PATZ1: variants seen among roughly 807,000 people sequenced by gnomAD.
The protein encoded by PATZ1 is POZ-, AT hook-, and zinc finger-containing protein 1.
In PATZ1, 9 loss-of-function variants were observed where a neutral mutation model predicts 46.2. That is an observed-to-expected ratio of 0.19 (90% CI 0.12 to 0.34). The LOEUF is 0.34. PATZ1 is among the 10% of genes least tolerant of loss of function. The pLI, the probability that PATZ1 is intolerant of heterozygous loss-of-function variation, is 1.00. For synonymous variants in PATZ1, 426 were observed against 378.6 expected (o/e 1.13, Z -1.45); for missense variants, 632 against 923.0 (o/e 0.68, Z 4.08).
At chr22:31,343,146 C>T in intron 1 of PATZ1, 186 bp from the exon 2 acceptor site, 2 of 1,335,722 alleles carry the variant, frequency 1.5e-6, no homozygotes, top group South Asian at 1.8e-5. Flanking sequence ...GGCCTCTCTG[C>T]CCTGGTTTTC....
Position 31,327,374 on chromosome 22 carries a change from G to T in PATZ1, c.1646-65C>A. Reference sequence around the variant, plus strand: ...CTCTGGAGATGCCCCCTCCTGGAGGGGTCATGAGGGGCCAGCTCACAGACC... The same window carrying T: ...CTCTGGAGATGCCCCCTCCTGGAGGTGTCATGAGGGGCCAGCTCACAGACC... On this transcript the variant is annotated intron_variant, in intron 4 of 4. Transcript: ENST00000266269. The surrounding 1 kb of genome is among the most constrained non-coding windows in gnomAD (Gnocchi z 4.2). 2.2e-6 allele frequency: 3 copies of T among 1,353,040 alleles called. No homozygotes were observed. Among genetic ancestry groups the T allele is most frequent in the South Asian group, 1.3e-5 (1 of 77,176 alleles). 83.8% of individuals were successfully genotyped at this position (1,353,040 alleles called of 1,614,324 possible). A position where few individuals can be genotyped will look rare whatever the true frequency, so the allele number is the denominator to read the frequency against.
intron 1 of PATZ1, among the ~76,000 whole-genome samples, chr22:31,343,965 C>A (rs1331146046): frequency 6.6e-6 from 1 of 151,884 alleles, no homozygotes; most frequent in Non-Finnish European, 1.5e-5. Flanking sequence ...GCCATTCAAG[C>A]GGGGAAGTCG....
At position 31,345,330 on chromosome 22, in the gene PATZ1, C is replaced by T; in HGVS notation, c.273G>A (p.Thr91=). 1 of 1,609,548 alleles carries T rather than the reference C, an allele frequency of 6.2e-7. No homozygotes were observed. The highest frequency in any genetic ancestry group is 8.5e-7 in the Non-Finnish European group (1 of 1,177,430). ...CCCCGGCCCCGCCGCCTGGTGCTGCCGTCGCGCCCCCTACATCAGCCGGAC... is the reference window on the plus strand; with the variant it reads ...CCCCGGCCCCGCCGCCTGGTGCTGCTGTCGCGCCCCCTACATCAGCCGGAC... ...DGGPADVGGA[T]AAPGGGAGGS... is the part of the protein sequence containing the mutation. The change falls in exon 1 of 5, where the codon ACG becomes ACA. Residue 91 remains threonine, a synonymous_variant. Coordinates refer to ENST00000266269, the MANE Select transcript of PATZ1 (RefSeq NM_014323.3). This position sits in a 1 kb window ranked among gnomAD's most constrained non-coding sequence, Gnocchi z 7.4.
At chr22:31,343,522 G>T in intron 1 of PATZ1, 1 of 798,422 alleles carries the variant, frequency 1.3e-6, no homozygotes, top group Non-Finnish European at 1.5e-6. Context: ...ACTGGTTCCT[G>T]GTCGGGGCCC....
At chr22:31,332,842 C>A (rs2049459524) in intron 3 of PATZ1, among the ~76,000 whole-genome samples, 1 of 152,236 alleles carries the variant, frequency 6.6e-6, no homozygotes. Flanking sequence ...ATCTGTTCCT[C>A]TTCACCATAC....
rs531494111 is a variant in PATZ1, at chr22:31,345,147, G to A, written c.456C>T (p.Cys152=). The change falls in exon 1 of 5, where the codon TGC becomes TGT. Residue 152 remains cysteine (C), a synonymous_variant. Transcript: ENST00000266269. This position sits in a 1 kb window ranked among gnomAD's most constrained non-coding sequence, Gnocchi z 7.4. The part of the protein sequence containing the change: ...FLLMRSVIEI[C]QEVIKQSNVQ... Reference sequence around the variant, plus strand: ...CGTTGGACTGTTTGATGACTTCCTGGCAGATCTCGATAACCGACCTCATCA... The same window carrying A: ...CGTTGGACTGTTTGATGACTTCCTGACAGATCTCGATAACCGACCTCATCA... The A allele has an allele frequency of 1.2e-6, 2 of 1,614,162 alleles. No homozygotes were observed. The highest frequency in any genetic ancestry group is 1.7e-5 in the Admixed American group (1 of 60,022).
rs1028526624 is a variant in PATZ1 at position 31,327,182 on chromosome 22, T to G, written c.1773A>C (p.Ala591=). The stretch of plus-strand genomic sequence containing the variant: ...CAGACTCCATTTTGTTTTTGGGGAC[T>G]GCCATGTCGCAGGAGAAAGAGCCAT... The part of the protein sequence containing the change: ...SANGSFSCDM[A]VPKNKMESDG... Residue 591 remains alanine (A), a synonymous_variant, in exon 5 of 5, where the codon GCA becomes GCC. Transcript: ENST00000266269. This position sits in a 1 kb window ranked among gnomAD's most constrained non-coding sequence, Gnocchi z 4.2. 7 of 1,614,230 alleles carry G rather than the reference T, an allele frequency of 4.3e-6. No individual in the cohort carries two copies. The East Asian group carries it at 6.7e-5, about 15-fold the overall frequency.
rs146218451 is a variant in PATZ1, at chr22:31,342,481, G to T, written c.1335+416C>A. 4.0e-3 allele frequency among the ~76,000 whole-genome samples: 611 copies of T among 152,136 alleles called. 4 individuals carry two copies. Among genetic ancestry groups the T allele is most frequent in the South Asian group, 0.014 (66 of 4,812 alleles). Reference sequence around the variant, plus strand: ...GGTCAGAAAAGGGGAAGAGTGGTTGGCTGGACCACCAGGAGCCCTTTTAAA... The same window carrying T: ...GGTCAGAAAAGGGGAAGAGTGGTTGTCTGGACCACCAGGAGCCCTTTTAAA... On this transcript the variant is annotated intron_variant, in intron 2 of 4. Transcript: ENST00000266269.
Position 31,326,661 on chromosome 22 carries a change from T to C in PATZ1, c.*230A>G, listed in dbSNP as rs2049372952. 1 of 514,856 alleles carries C rather than the reference T, an allele frequency of 1.9e-6. No individual in the cohort carries two copies. The highest frequency in any genetic ancestry group is 3.5e-5 in the Admixed American group (1 of 28,390). The allele number at this position is 514,856 out of a possible 1,614,324, so 31.9% of individuals were successfully genotyped here. A position where few individuals can be genotyped will look rare whatever the true frequency, so the allele number is the denominator to read the frequency against. ...AGGCCTATGTAGTGTTTTCTGCCCC[T>C]GTCCCATACCAAGTCTCATTGATAT... On this transcript the variant is annotated 3_prime_UTR_variant, in exon 5 of 5. Coordinates refer to ENST00000266269, the MANE Select transcript of PATZ1 (RefSeq NM_014323.3).
In PATZ1 at chr22:31,326,949, G is replaced by A. The variant is rs763469287; in HGVS notation, c.2006C>T (p.Ala669Val). ...AACCTCAGGATCTACTAAAGATGAC[G>A]CAAATGCCGACTGAACAATCTGAAA... Reference protein sequence around the residue: ...FGFQIVQSAFASSLVDPEVDQ... With the variant: ...FGFQIVQSAFVSSLVDPEVDQ... The change falls in exon 5 of 5, where the codon GCG becomes GTG. Residue 669 changes from alanine to valine, a missense_variant. Physicochemically the swap from Ala to Val is moderately conservative, Grantham distance 64. Transcript: ENST00000266269. 1.7e-5 allele frequency: 27 copies of A among 1,614,130 alleles called. No homozygotes were observed. Among genetic ancestry groups the A allele is most frequent in the South Asian group, 5.5e-5 (5 of 91,082 alleles).
chr22:31,341,222 G>C, intron 2 of PATZ1: 1 of 1,339,926 alleles, frequency 7.5e-7, no homozygotes, highest in Non-Finnish European at 9.5e-7. Flanking sequence ...GGGGGTTCCA[G>C]AAAGGTGCTC....
intron 2 of PATZ1, among the ~76,000 whole-genome samples, chr22:31,339,541 CAGG>C (rs912025230): frequency 6.6e-6 from 1 of 152,198 alleles, no homozygotes; most frequent in African/African-American, 2.4e-5. Flanking sequence ...GCTGGGGTGT[CAGG>C]AGAAGAGCAT....
At position 31,326,279 on chromosome 22, in the gene PATZ1, T is replaced by C. The variant is rs1256705249; in HGVS notation, c.*612A>G. ...GGGGTGTCCTCAACAGCTGAGCTTG[T>C]CCTAGCAGTGAAAATGCTCGCCTCC... On this transcript the variant is annotated 3_prime_UTR_variant, in exon 5 of 5. Coordinates refer to ENST00000266269, the MANE Select transcript of PATZ1 (RefSeq NM_014323.3). 7 of 229,124 alleles carry C rather than the reference T, an allele frequency of 3.1e-5. No individual in the cohort carries two copies. Among genetic ancestry groups the C allele is most frequent in the African/African-American group, 1.3e-4 (6 of 45,098 alleles). The allele number at this position is 229,124 out of a possible 1,614,324, so 14.2% of individuals were successfully genotyped here.
intron 2 of PATZ1, chr22:31,340,544 G>C (rs1173007373): frequency 3.2e-6 from 1 of 309,470 alleles, no homozygotes; most frequent in Non-Finnish European, 4.9e-6. Context: ...GTGGCTGTAG[G>C]GCTGGAGGAG....
At chr22:31,344,001 C>T (rs1263160170) in intron 1 of PATZ1, among the ~76,000 whole-genome samples, 1 of 152,210 alleles carries the variant, frequency 6.6e-6, no homozygotes, top group Non-Finnish European at 1.5e-5. Flanking sequence ...CTCCCGCCCC[C>T]AGAGGGGGCC....
chr22:31,341,810 A>C (rs2049586657), intron 2 of PATZ1: 1 of 785,296 alleles, frequency 1.3e-6, no homozygotes, highest in Non-Finnish European at 2.0e-6. Context: ...GTGCTCTGTG[A>C]TGAGAGAATC....
chr22:31,335,501 AC>A, intron 3 of PATZ1, 190 bp downstream of exon 3: 1 of 563,638 alleles, frequency 1.8e-6, no homozygotes. Flanking sequence ...CATTCTAAGC[AC>A]CCCAAGCTTC....
At chr22:31,340,866 C>T (rs2049571392) in intron 2 of PATZ1, 1 of 1,062,794 alleles carries the variant, frequency 9.4e-7, no homozygotes, top group African/African-American at 1.6e-5. Context: ...TGCTAATAAA[C>T]CTCAAAAACA....
intron 2 of PATZ1, chr22:31,341,558 G>A: frequency 1.2e-6 from 2 of 1,614,116 alleles, no homozygotes; most frequent in Non-Finnish European, 1.7e-6. Flanking sequence ...TTAGAGAAAG[G>A]GAAAAGGCGG....
Sources: allele counts gnomAD v4.1 joint callset (sites outside exome capture counted in the v4.1 genomes callset), GRCh38; gene constraint gnomAD v4.1.1; non-coding constraint Gnocchi (gnomAD v3.1); transcripts MANE v1.5; gene names NCBI Gene and HGNC (gene_info 2026-07-23, HGNC 2026-07-21).